Variants in SORCS2 observed in about 807,000 individuals in gnomAD.
SORCS2 encodes VPS10 domain-containing receptor SorCS2.
In SORCS2, 100 loss-of-function variants were observed where a neutral mutation model predicts 141.6. The observed-to-expected ratio is 0.71, with a 90% confidence interval of 0.60 to 0.83. SORCS2 has a LOEUF of 0.83. Among genes scored for constraint, SORCS2 ranks in the 40% least tolerant of loss-of-function variants. The pLI, the probability that SORCS2 is intolerant of heterozygous loss-of-function variation, is 0.00. For missense variants in SORCS2, 1,646 were observed against 1,560.2 expected (o/e 1.05, Z -0.93); for synonymous variants, 789 against 676.9 (o/e 1.17, Z -2.57).
rs545498252 is a variant in SORCS2 at position 7,686,056 on chromosome 4, G to A, written c.1488+3167G>A. On this transcript the variant is annotated intron_variant, in intron 10 of 26. Coordinates refer to ENST00000507866, the MANE Select transcript of SORCS2 (RefSeq NM_020777.3). ...TGAAGTTGTCATTGGGATCCCACACGTGCGTGATTTTTCAGCCCTCTGTTT... is the reference window on the plus strand; with the variant it reads ...TGAAGTTGTCATTGGGATCCCACACATGCGTGATTTTTCAGCCCTCTGTTT... Among the ~76,000 whole-genome samples, 17 of 152,316 alleles carry A rather than the reference G, an allele frequency of 1.1e-4. 1 individual carries two copies. The East Asian group carries it at 1.5e-3, about 14-fold the overall frequency.
intron 14 of SORCS2, among the ~76,000 whole-genome samples, chr4:7,706,072 C>CTGGGCTCCGCCTGGGCAGGGATGAGGT (rs879671946): frequency 7.5e-6 from 1 of 133,888 alleles, no homozygotes; most frequent in Non-Finnish European, 1.6e-5. Flanking sequence ...AGGGATGAGG[C>CTGGGCTCCGCCTGGGCAGGGATGAGGT]TGGGCTCTGC....
intron 14 of SORCS2, among the ~76,000 whole-genome samples, chr4:7,711,220 T>C (rs1725807232): frequency 6.6e-6 from 1 of 152,192 alleles, no homozygotes; most frequent in Non-Finnish European, 1.5e-5. Context: ...ACAGATGTAA[T>C]TCAAGCATGG....
At chr4:7,667,086 A>G (rs1053484800) in intron 7 of SORCS2, 38 bp from the exon 8 acceptor site, 3 of 1,552,476 alleles carry the variant, frequency 1.9e-6, no homozygotes, top group African/African-American at 2.7e-5. Flanking sequence ...TGGAGAGGGA[A>G]TCAAGCCTCT....
chr4:7,248,204 C>T (rs1345825114), intron 1 of SORCS2, among the ~76,000 whole-genome samples: 1 of 152,214 alleles, frequency 6.6e-6, no homozygotes, highest in Non-Finnish European at 1.5e-5. Context: ...CTGGTGATTC[C>T]ATGATCGCAT....
intron 7 of SORCS2, among the ~76,000 whole-genome samples, chr4:7,665,238 C>T (rs866055660): frequency 1.3e-5 from 2 of 152,192 alleles, no homozygotes; most frequent in Non-Finnish European, 2.9e-5. Flanking sequence ...ACTTGGTCAC[C>T]CCAGCAGCCC....
chr4:7,559,128 C>T (rs976663306), intron 3 of SORCS2, among the ~76,000 whole-genome samples: 3 of 152,202 alleles, frequency 2.0e-5, no homozygotes, highest in African/African-American at 7.2e-5. Flanking sequence ...TTCCCTCTGC[C>T]TGGAATGGTC....
At chr4:7,666,050 G>A (rs979549201) in intron 7 of SORCS2, among the ~76,000 whole-genome samples, 2 of 152,114 alleles carry the variant, frequency 1.3e-5, no homozygotes, top group African/African-American at 4.8e-5. Flanking sequence ...TGGATTGAGG[G>A]ATGTGAGGAG....
At chr4:7,593,196 C>T (rs1035724226) in intron 3 of SORCS2, among the ~76,000 whole-genome samples, 3 of 152,136 alleles carry the variant, frequency 2.0e-5, no homozygotes, top group African/African-American at 7.2e-5. Flanking sequence ...CCAACAGGGT[C>T]AGGTAGAAGT....
intron 1 of SORCS2, among the ~76,000 whole-genome samples, chr4:7,314,480 C>T (rs1718426385): frequency 6.6e-6 from 1 of 152,012 alleles, no homozygotes; most frequent in Non-Finnish European, 1.5e-5. Context: ...GCTGGGACTA[C>T]AGGCGCCCGC....
At chr4:7,268,810 C>T (rs960654234) in intron 1 of SORCS2, among the ~76,000 whole-genome samples, 1 of 152,204 alleles carries the variant, frequency 6.6e-6, no homozygotes, top group Non-Finnish European at 1.5e-5. Context: ...GTAGCAGGCC[C>T]ATGGGCATCC....
chr4:7,487,723 C>T (rs4234816), intron 2 of SORCS2, among the ~76,000 whole-genome samples: 7 of 152,070 alleles, frequency 4.6e-5, no homozygotes, highest in African/African-American at 1.7e-4. Flanking sequence ...ACTTGGCTCC[C>T]CCGCCTCCAG....
At chr4:7,697,573 C>A (rs913260789) in intron 12 of SORCS2, among the ~76,000 whole-genome samples, 4 of 152,178 alleles carry the variant, frequency 2.6e-5, no homozygotes, top group Admixed American at 6.5e-5. Flanking sequence ...CGTGTCACTG[C>A]GAACATCTGA....
intron 1 of SORCS2, among the ~76,000 whole-genome samples, chr4:7,389,551 C>T (rs899813150): frequency 1.3e-5 from 2 of 152,196 alleles, no homozygotes; most frequent in Admixed American, 6.5e-5. Context: ...GATGAATTCA[C>T]TCAGCAATGA....
chr4:7,626,648 C>T (rs1719532926), intron 3 of SORCS2, among the ~76,000 whole-genome samples: 1 of 152,206 alleles, frequency 6.6e-6, no homozygotes, highest in Non-Finnish European at 1.5e-5. Context: ...AACACATAAA[C>T]ACATCCACAT....
chr4:7,411,148 G>T (rs1200796952), intron 2 of SORCS2, among the ~76,000 whole-genome samples: 1 of 151,690 alleles, frequency 6.6e-6, no homozygotes. Flanking sequence ...TAGAGACAGG[G>T]TTTCACCATG....
intron 2 of SORCS2, among the ~76,000 whole-genome samples, chr4:7,450,594 C>A (rs1011327905): frequency 6.6e-6 from 1 of 152,246 alleles, no homozygotes; most frequent in Non-Finnish European, 1.5e-5. Context: ...TTCTCTCACA[C>A]ACATATGTTC....
rs1712626692 is a variant in SORCS2, at chr4:7,740,995, C to T, written c.*731C>T. 2 of 398,514 alleles carry T rather than the reference C, an allele frequency of 5.0e-6. No homozygotes were observed. The highest frequency in any genetic ancestry group is 8.8e-6 in the Non-Finnish European group (2 of 226,292). The allele number at this position is 398,514 out of a possible 1,614,324, so 24.7% of individuals were successfully genotyped here. A position where few individuals can be genotyped will look rare whatever the true frequency, so the allele number is the denominator to read the frequency against. On this transcript the variant is annotated 3_prime_UTR_variant, in exon 27 of 27. Transcript: ENST00000507866. ...GGGCAGCAGCTCTCCCTGGTTCTCC[C>T]CAGGGCAGACGGGGTAGGGCGGGCT...
intron 3 of SORCS2, among the ~76,000 whole-genome samples, chr4:7,631,942 CT>C (rs1719924058): frequency 6.6e-6 from 1 of 152,174 alleles, no homozygotes; most frequent in Non-Finnish European, 1.5e-5. Context: ...AGCCAGCTGC[CT>C]TCTGGGCAGG....
intron 4 of SORCS2, among the ~76,000 whole-genome samples, chr4:7,644,400 T>C (rs924728083): frequency 4.6e-5 from 7 of 152,178 alleles, no homozygotes; most frequent in African/African-American, 1.7e-4. Context: ...CACAGCACCA[T>C]GTCCTGTGAC....
Sources: gnomAD v4.1 joint callset for allele counts (sites outside exome capture counted in the v4.1 genomes callset) on GRCh38, gnomAD v4.1.1 for gene constraint, MANE v1.5 for transcripts, NCBI Gene and HGNC (gene_info 2026-07-23, HGNC 2026-07-21) for gene names.